SSBP3: variants seen among roughly 807,000 people sequenced by gnomAD.
The protein encoded by SSBP3 is single-stranded DNA-binding protein 3.
Under a neutral mutation model 69.6 loss-of-function variants are expected in SSBP3, and 5 were observed. That is an observed-to-expected ratio of 0.07 (90% confidence interval 0.04 to 0.15). The LOEUF (loss-of-function observed/expected upper bound fraction) is 0.15. Among genes scored for constraint, SSBP3 ranks in the 10% least tolerant of loss-of-function variants. The pLI, the probability that SSBP3 is intolerant of heterozygous loss-of-function variation, is 1.00. For missense variants in SSBP3, 312 were observed against 534.0 expected, an observed-to-expected ratio of 0.58 and a Z score of 4.10; for synonymous variants, 196 against 193.4, an observed-to-expected ratio of 1.01 and a Z score of -0.11.
intron 4 of SSBP3, among the ~76,000 whole-genome samples, chr1:54,386,610 C>T (rs777552541): frequency 4.2e-4 from 63 of 149,602 alleles, no homozygotes; most frequent in Non-Finnish European, 8.7e-4. Context: ...TTTGCCCCAT[C>T]TTCAAACCCA....
intron 5 of SSBP3, among the ~76,000 whole-genome samples, chr1:54,261,739 GCTGC>G (rs1292189023): frequency 6.6e-6 from 1 of 152,172 alleles, no homozygotes; most frequent in African/African-American, 2.4e-5. Context: ...GGTTCCAGAG[GCTGC>G]CTAATTAACC....
At chr1:54,379,055 G>A (rs1485746860) in intron 4 of SSBP3, among the ~76,000 whole-genome samples, 1 of 152,062 alleles carries the variant, frequency 6.6e-6, no homozygotes, top group East Asian at 1.9e-4. Flanking sequence ...CTTGTTCATA[G>A]TCAGCCAGGT....
At chr1:54,403,313 C>T (rs1649438890) in intron 3 of SSBP3, among the ~76,000 whole-genome samples, 1 of 152,214 alleles carries the variant, frequency 6.6e-6, no homozygotes, top group Admixed American at 6.5e-5. Context: ...GAACTGTACA[C>T]ATCTGCTTAC....
rs1553129772 is a variant in SSBP3, at chr1:54,276,608, C to CACAAAAAAAA, written c.366+4829_366+4830insTTTTTTTTGT. On this transcript the variant is annotated intron_variant, in intron 5 of 17. Transcript: ENST00000610401. ...TGGGTGACAGAGTGAGACTCTGTCT[C>CACAAAAAAAA]AAAAAAAAAAAAAAAAAAAAAAAAA... is the stretch of plus-strand genomic sequence containing the variant. Among the ~76,000 whole-genome samples the CACAAAAAAAA allele has an allele frequency of 2.6e-4, 9 of 35,214 alleles. 1 individual carries two copies. Among genetic ancestry groups the CACAAAAAAAA allele is most frequent in the East Asian group, 9.5e-4 (1 of 1,058 alleles). 23.1% of individuals were successfully genotyped at this position (35,214 alleles called of 152,430 possible).
intron 11 of SSBP3, among the ~76,000 whole-genome samples, chr1:54,241,885 A>G (rs567052216): frequency 1.3e-5 from 2 of 152,332 alleles, no homozygotes; most frequent in South Asian, 2.1e-4. Context: ...GGAGATGGGT[A>G]GAGGTCTCCA....
chr1:54,408,126 C>A (rs1042232844), upstream of SSBP3, among the ~76,000 whole-genome samples: 1 of 152,060 alleles, frequency 6.6e-6, no homozygotes, highest in African/African-American at 2.4e-5. Context: ...TCACTCTGCT[C>A]CCTTCCAGGA....
chr1:54,318,761 G>C (rs1010652599), intron 4 of SSBP3, among the ~76,000 whole-genome samples: 3 of 152,102 alleles, frequency 2.0e-5, no homozygotes, highest in Non-Finnish European at 2.9e-5. Context: ...CCCAAGCCGG[G>C]AATCTTCCCC....
chr1:54,298,365 G>A (rs916221736), intron 4 of SSBP3, among the ~76,000 whole-genome samples: 8 of 152,168 alleles, frequency 5.3e-5, no homozygotes, highest in Non-Finnish European at 4.4e-5. Context: ...CAGCAGGAAG[G>A]AAGTTCAGCG....
intron 9 of SSBP3, among the ~76,000 whole-genome samples, chr1:54,247,282 G>A (rs1644750774): frequency 6.6e-6 from 1 of 152,222 alleles, no homozygotes; most frequent in African/African-American, 2.4e-5. Flanking sequence ...GGAGGCAGGT[G>A]GGAAGGGAAT....
chr1:54,252,230 C>T (rs753388158), intron 7 of SSBP3, among the ~76,000 whole-genome samples: 4 of 152,206 alleles, frequency 2.6e-5, no homozygotes, highest in Admixed American at 6.5e-5. Context: ...CAGCAGTGCC[C>T]ACTCCCTCCT....
intron 4 of SSBP3, among the ~76,000 whole-genome samples, chr1:54,304,343 C>A (rs1645858216): frequency 6.6e-6 from 1 of 150,710 alleles, no homozygotes. Flanking sequence ...ACCTAGTGTC[C>A]TTCCAGAACA....
intron 1 of SSBP3, 21 bp downstream of exon 1, chr1:54,405,932 C>T (rs1280895575): frequency 7.5e-6 from 10 of 1,338,566 alleles, no homozygotes; most frequent in East Asian, 3.8e-5. Flanking sequence ...GCGCGGCCGC[C>T]ACTTGCAAAA....
At chr1:54,241,281 G>C (rs989430471) in intron 12 of SSBP3, among the ~76,000 whole-genome samples, 193 bp downstream of exon 12, 1 of 152,166 alleles carries the variant, frequency 6.6e-6, no homozygotes, top group Non-Finnish European at 1.5e-5. Flanking sequence ...TCCACCCCCA[G>C]GTCTGGTTTG....
chr1:54,350,679 C>G (rs553647320), intron 4 of SSBP3, among the ~76,000 whole-genome samples: 12 of 152,320 alleles, frequency 7.9e-5, no homozygotes, highest in African/African-American at 2.9e-4. Context: ...CTGAATGTCT[C>G]AGCCTGGGAA....
intron 4 of SSBP3, among the ~76,000 whole-genome samples, chr1:54,353,068 C>A (rs1646807803): frequency 6.6e-6 from 1 of 152,210 alleles, no homozygotes; most frequent in South Asian, 2.1e-4. Flanking sequence ...GTCATGCCAT[C>A]CCCTTGGTTT....
In SSBP3 at chr1:54,227,190, G is replaced by A. The variant is rs545041801; in HGVS notation, c.1138-30C>T. On this transcript the variant is annotated intron_variant, in intron 17 of 17. Coordinates refer to ENST00000610401, the Ensembl canonical transcript of SSBP3. ...AAAGGAGAAGCAGAGAAGGGGGGGG[G>A]GTGAGGATTGTGGGGAGGCCGCTGA... is the stretch of plus-strand genomic sequence containing the variant. The A allele has an allele frequency of 2.0e-5, 23 of 1,158,728 alleles. No individual in the cohort carries two copies. In the South Asian group the frequency reaches 2.8e-4, roughly 14 times the overall value. The allele number at this position is 1,158,728 out of a possible 1,614,324, so 71.8% of individuals were successfully genotyped here.
chr1:54,404,369 G>GT (rs1295439932), intron 3 of SSBP3, among the ~76,000 whole-genome samples: 2 of 152,182 alleles, frequency 1.3e-5, no homozygotes, highest in Non-Finnish European at 2.9e-5. Context: ...TGGTTTTGTC[G>GT]TTTTTCCCCC....
chr1:54,241,083 C>T (rs1245043575), intron 12 of SSBP3, 124 bp from the exon 13 acceptor site: 1 of 1,050,316 alleles, frequency 9.5e-7, no homozygotes, highest in Non-Finnish European at 1.4e-6. Flanking sequence ...ATTCATCTTG[C>T]TACACCCCCA....
chr1:54,381,382 CAAAAAAA>C (rs59809996), intron 4 of SSBP3, among the ~76,000 whole-genome samples: 2,607 of 69,418 alleles, frequency 0.038, 82 homozygotes, highest in African/African-American at 0.1. Flanking sequence ...TACACCATCT[CAAAAAAA>C]AAAAAAAAAA....
Sources: gnomAD v4.1 joint callset for allele counts (sites outside exome capture counted in the v4.1 genomes callset) on GRCh38, gnomAD v4.1.1 for gene constraint, MANE v1.5 for transcripts, NCBI Gene and HGNC (gene_info 2026-07-23, HGNC 2026-07-21) for gene names.